CARNMT1: variants seen among roughly 807,000 people sequenced by gnomAD.
CARNMT1 encodes the protein carnosine N-methyltransferase 1, also known as protein-L-histidine N-pros-methyltransferase CARNMT1.
A neutral mutation model predicts 49.6 loss-of-function variants in CARNMT1; 28 were observed. The observed-to-expected ratio is 0.56, with a 90% CI of 0.42 to 0.77. CARNMT1 has a LOEUF of 0.77. CARNMT1 is among the 30% of genes least tolerant of loss of function. The pLI is 0.00. For synonymous variants in CARNMT1, 178 were observed against 175.0 expected, an observed-to-expected ratio of 1.02 and a Z score of -0.13; for missense variants, 421 against 512.6, an observed-to-expected ratio of 0.82 and a Z score of 1.73.
chr9:74,999,073 G>C (rs1041513526), intron 4 of CARNMT1, among the ~76,000 whole-genome samples: 2 of 152,022 alleles, frequency 1.3e-5, no homozygotes, highest in African/African-American at 4.8e-5. Context: ...AGTCCAACGA[G>C]GTTTTTTAAA....
intron 3 of CARNMT1, among the ~76,000 whole-genome samples, chr9:75,001,777 C>T (rs1302502368): frequency 6.6e-6 from 1 of 152,138 alleles, no homozygotes; most frequent in African/African-American, 2.4e-5. Context: ...GAAACTAACG[C>T]ACTCTAAGTG....
chr9:75,026,377 TAACTA>T (rs1822530220), intron 1 of CARNMT1, among the ~76,000 whole-genome samples: 1 of 152,232 alleles, frequency 6.6e-6, no homozygotes, highest in African/African-American at 2.4e-5. Context: ...ACTACGCACT[TAACTA>T]AATGGGTCCA....
chr9:74,988,589 G>A (rs1054827754), intron 6 of CARNMT1, among the ~76,000 whole-genome samples: 14 of 151,990 alleles, frequency 9.2e-5, no homozygotes, highest in African/African-American at 3.1e-4. Flanking sequence ...TCTTTAGTCC[G>A]CCCATATCTG....
rs549851131 is a variant in CARNMT1, at chr9:74,990,564, G to A, written c.1025-5554C>T. Among the ~76,000 whole-genome samples, 26 of 152,196 alleles carry A rather than the reference G, an allele frequency of 1.7e-4. No individual in the cohort carries two copies. The South Asian group carries it at 3.3e-3, about 19-fold the overall frequency. ...ACGCATATACATGATTTTTACAGAC[G>A]GACATATACATATATTTCCTACCCT... is the stretch of plus-strand genomic sequence containing the variant. On this transcript the variant is annotated intron_variant, in intron 6 of 7. Coordinates refer to ENST00000376834, the MANE Select transcript of CARNMT1 (RefSeq NM_152420.3).
rs555059478 is a variant in CARNMT1, at chr9:75,012,774, C to T, written c.590+3494G>A. The stretch of plus-strand genomic sequence containing the variant: ...TAAAAATATAAAAAAAAAAATTAGC[C>T]AGGCGTCGTGGCGGGCGTCTGTAGT... On this transcript the variant is annotated intron_variant, in intron 3 of 7. Coordinates refer to ENST00000376834, the MANE Select transcript of CARNMT1 (RefSeq NM_152420.3). Among the ~76,000 whole-genome samples, 23 of 151,504 alleles carry T rather than the reference C, an allele frequency of 1.5e-4. No homozygotes were observed. In the East Asian group the frequency reaches 4.3e-3, roughly 28 times the overall value.
chr9:74,998,675 A>G lies in CARNMT1; in HGVS notation c.833T>C (p.Val278Ala). The G allele has an allele frequency of 1.2e-6, 2 of 1,609,438 alleles. No individual in the cohort carries two copies. Among genetic ancestry groups the G allele is most frequent in the South Asian group, 2.2e-5 (2 of 90,498 alleles). Residue 278 changes from valine (V) to alanine (A), a missense_variant, in exon 5 of 8, where the codon GTT becomes GCT. Around this residue, in one of 2 missense-constraint regions of CARNMT1, gnomAD observed 235 missense variants for 344.8 expected, o/e 0.68. Transcript: ENST00000376834. ...DQIRPIFFPD[V>A]DPHSLPPGSN... Reference sequence around the variant, plus strand: ...ACCAGGAGGAAGACTGTGGGGGTCAACATCAGGGAAAAAGATGGGTCGAAT... The same window carrying G: ...ACCAGGAGGAAGACTGTGGGGGTCAGCATCAGGGAAAAAGATGGGTCGAAT...
At chr9:75,026,855 T>C (rs1346489325) in intron 1 of CARNMT1, among the ~76,000 whole-genome samples, 2 of 152,224 alleles carry the variant, frequency 1.3e-5, no homozygotes, top group African/African-American at 4.8e-5. Context: ...TTGCTACTAT[T>C]TGTTTTGTTA....
intron 6 of CARNMT1, among the ~76,000 whole-genome samples, chr9:74,994,672 T>G (rs1833133637): frequency 6.6e-6 from 1 of 152,068 alleles, no homozygotes; most frequent in Non-Finnish European, 1.5e-5. Flanking sequence ...AAACACAGAT[T>G]AGATGCCCAG....
At chr9:75,008,167 C>A (rs1328024429) in intron 3 of CARNMT1, among the ~76,000 whole-genome samples, 3 of 20,186 alleles carry the variant, frequency 1.5e-4, no homozygotes, top group African/African-American at 7.8e-4. Context: ...AGCTGATGAG[C>A]TAAAAAAAAA....
At chr9:74,991,961 TA>T (rs1833033125) in intron 6 of CARNMT1, among the ~76,000 whole-genome samples, 1 of 152,126 alleles carries the variant, frequency 6.6e-6, no homozygotes, top group African/African-American at 2.4e-5. Context: ...ATCTATCTTT[TA>T]AAGGGAATCT....
In CARNMT1 at chr9:75,005,402, T is replaced by C. The variant is rs562095215; in HGVS notation, c.591-5532A>G. On this transcript the variant is annotated intron_variant, in intron 3 of 7. Transcript: ENST00000376834. ...GACAGATTGGAGAAACTGATATATG[T>C]GTTTCCTTAGGAAAAATATTTTAAT... is the stretch of plus-strand genomic sequence containing the variant. 2.6e-5 allele frequency among the ~76,000 whole-genome samples: 4 copies of C among 152,318 alleles called. No homozygotes were observed. The East Asian group carries it at 7.7e-4, about 29-fold the overall frequency.
intron 1 of CARNMT1, among the ~76,000 whole-genome samples, chr9:75,022,760 G>A (rs1017027204): frequency 3.3e-5 from 5 of 152,078 alleles, no homozygotes; most frequent in Non-Finnish European, 5.9e-5. Context: ...CATATCCAAA[G>A]TGAACTTAGC....
intron 3 of CARNMT1, among the ~76,000 whole-genome samples, chr9:75,006,051 C>G (rs1270392201): frequency 6.6e-6 from 1 of 151,740 alleles, no homozygotes; most frequent in Non-Finnish European, 1.5e-5. Context: ...ATTAATGACC[C>G]TTTTCTTCCT....
intron 3 of CARNMT1, among the ~76,000 whole-genome samples, chr9:75,008,292 A>G (rs1041627093): frequency 6.6e-6 from 1 of 152,210 alleles, no homozygotes; most frequent in Admixed American, 6.5e-5. Context: ...GGGTTGGACA[A>G]GTTTGATTTA....
Position 74,981,859 on chromosome 9 carries a change from A to T in CARNMT1, c.*1908T>A, listed in dbSNP as rs951710880. On this transcript the variant is annotated 3_prime_UTR_variant, in exon 8 of 8. Coordinates refer to ENST00000376834, the MANE Select transcript of CARNMT1 (RefSeq NM_152420.3). The stretch of plus-strand genomic sequence containing the variant: ...ATTCCTTTCTGTTCGATTGATTTTT[A>T]AAAAATACTTATGTACTTTGCAAGT... The T allele has an allele frequency of 1.3e-5, 2 of 152,068 alleles. No individual in the cohort carries two copies. The highest frequency in any genetic ancestry group is 2.4e-5 in the African/African-American group (1 of 41,436). The allele number at this position is 152,068 out of a possible 1,614,324, so 9.4% of individuals were successfully genotyped here. A position where few individuals can be genotyped will look rare whatever the true frequency, so the allele number is the denominator to read the frequency against.
intron 3 of CARNMT1, among the ~76,000 whole-genome samples, chr9:75,005,010 C>CTTTA (rs1302050424): frequency 2.0e-5 from 3 of 152,260 alleles, no homozygotes; most frequent in African/African-American, 7.2e-5. Context: ...CTACTATAAG[C>CTTTA]TTTACAGCAC....
intron 3 of CARNMT1, among the ~76,000 whole-genome samples, chr9:75,014,714 G>T (rs1287225746): frequency 6.6e-6 from 1 of 152,128 alleles, no homozygotes; most frequent in Non-Finnish European, 1.5e-5. Flanking sequence ...AGGCATAGTG[G>T]TAGGTGTCTG....
chr9:75,000,720 AT>A (rs944793659), intron 3 of CARNMT1, among the ~76,000 whole-genome samples: 9 of 152,200 alleles, frequency 5.9e-5, no homozygotes, highest in African/African-American at 2.2e-4. Context: ...TCACTACTGT[AT>A]TTCCTAAATT....
At chr9:74,999,006 T>G (rs556252405) in intron 4 of CARNMT1, among the ~76,000 whole-genome samples, 16 of 152,296 alleles carry the variant, frequency 1.1e-4, no homozygotes, top group African/African-American at 3.1e-4. Flanking sequence ...GATATAAATG[T>G]GCTGTTCATT....
Sources: gnomAD v4.1 joint callset for allele counts (sites outside exome capture counted in the v4.1 genomes callset) on GRCh38, gnomAD v4.1.1 for gene constraint, gnomAD v4.1.1 regional missense constraint, MANE v1.5 for transcripts, NCBI Gene and HGNC (gene_info 2026-07-23, HGNC 2026-07-21) for gene names.